GLRB: variants seen among roughly 807,000 people sequenced by gnomAD.
GLRB encodes the protein glycine receptor beta, also known as glycine receptor subunit beta.
In GLRB, 33 loss-of-function variants were observed where a neutral mutation model predicts 54.2. That is an observed-to-expected ratio of 0.61 (90% CI 0.46 to 0.81). The LOEUF (loss-of-function observed/expected upper bound fraction) is 0.81. GLRB is among the 40% of genes least tolerant of loss of function. The pLI is 0.00. For missense variants in GLRB, 572 were observed against 584.6 expected, an observed-to-expected ratio of 0.98 and a Z score of 0.22; for synonymous variants, 209 against 208.2, an observed-to-expected ratio of 1.00 and a Z score of -0.03.
At chr4:157,158,954 T>A (rs1399892697) in intron 9 of GLRB, among the ~76,000 whole-genome samples, 1 of 152,236 alleles carries the variant, frequency 6.6e-6, no homozygotes, top group Admixed American at 6.5e-5. Context: ...TGATTCTTCC[T>A]ATCCATGAGC....
At chr4:157,103,283 C>G (rs1735105435) in intron 2 of GLRB, among the ~76,000 whole-genome samples, 1 of 152,126 alleles carries the variant, frequency 6.6e-6, no homozygotes, top group African/African-American at 2.4e-5. Flanking sequence ...GAGAAAGTTG[C>G]TGAAATCAGT....
intron 8 of GLRB, among the ~76,000 whole-genome samples, chr4:157,146,946 T>C (rs773274238): frequency 5.9e-5 from 9 of 152,122 alleles, no homozygotes; most frequent in Non-Finnish European, 1.0e-4. Context: ...TCAAGATTAT[T>C]TTGGATGAAA....
intron 2 of GLRB, among the ~76,000 whole-genome samples, chr4:157,101,684 T>G (rs940670033): frequency 1.3e-5 from 2 of 152,002 alleles, no homozygotes; most frequent in Non-Finnish European, 2.9e-5. Flanking sequence ...TATACTTAGG[T>G]TTTCTATTAC....
chr4:157,097,143 C>G (rs557926056), intron 2 of GLRB, among the ~76,000 whole-genome samples: 1 of 152,068 alleles, frequency 6.6e-6, no homozygotes, highest in Non-Finnish European at 1.5e-5. Context: ...TATAAGAAAT[C>G]GAGATATTGT....
At chr4:157,160,543 G>A (rs912486031) in intron 9 of GLRB, among the ~76,000 whole-genome samples, 29 of 151,700 alleles carry the variant, frequency 1.9e-4, no homozygotes, top group Admixed American at 5.9e-4. Flanking sequence ...CTTTGTTCTC[G>A]TTGGTTTCAA....
chr4:157,132,561 C>T (rs1426537323), intron 4 of GLRB, among the ~76,000 whole-genome samples: 1 of 151,728 alleles, frequency 6.6e-6, no homozygotes, highest in Non-Finnish European at 1.5e-5. Context: ...TCGCTGGTGT[C>T]TGATGTGATC....
At chr4:157,130,091 C>G (rs1736157796) in intron 4 of GLRB, among the ~76,000 whole-genome samples, 1 of 151,704 alleles carries the variant, frequency 6.6e-6, no homozygotes. Context: ...TAACATCTCA[C>G]TGAATTCTTC....
At chr4:157,147,559 A>G (rs1736860027) in intron 8 of GLRB, among the ~76,000 whole-genome samples, 1 of 152,192 alleles carries the variant, frequency 6.6e-6, no homozygotes, top group Admixed American at 6.5e-5. Flanking sequence ...GGTAAGAATA[A>G]AAGTCAAGAA....
intron 2 of GLRB, among the ~76,000 whole-genome samples, chr4:157,081,927 C>T (rs1734235442): frequency 6.6e-6 from 1 of 152,180 alleles, no homozygotes; most frequent in South Asian, 2.1e-4. Flanking sequence ...ATACCTCCAG[C>T]AGTATCTTCC....
At position 157,083,042 on chromosome 4, in the gene GLRB, C is replaced by T. The variant is rs573536815; in HGVS notation, c.122+4896C>T. ...AAGAAAGACATTCTTAAAATTAACA[C>T]ATTCTTAACATAAAATTAGTAAAAT... On this transcript the variant is annotated intron_variant, in intron 2 of 9. Coordinates refer to ENST00000264428, the MANE Select transcript of GLRB (RefSeq NM_000824.5). Among the ~76,000 whole-genome samples, 232 of 150,118 alleles carry T rather than the reference C, an allele frequency of 1.5e-3. 2 individuals carry two copies. Among genetic ancestry groups the T allele is most frequent in the African/African-American group, 5.4e-3 (220 of 40,952 alleles).
chr4:157,097,207 C>T (rs1006821306), intron 2 of GLRB, among the ~76,000 whole-genome samples: 5 of 152,098 alleles, frequency 3.3e-5, no homozygotes, highest in African/African-American at 1.2e-4. Context: ...GTTTGGACTC[C>T]ATTAGATTTT....
intron 2 of GLRB, among the ~76,000 whole-genome samples, chr4:157,090,232 A>C (rs1467683231): frequency 6.6e-6 from 1 of 152,218 alleles, no homozygotes; most frequent in Non-Finnish European, 1.5e-5. Context: ...CCTTATTACA[A>C]ATTGAAACAG....
intron 4 of GLRB, among the ~76,000 whole-genome samples, chr4:157,129,324 G>T (rs564104973): frequency 6.6e-6 from 1 of 151,714 alleles, no homozygotes; most frequent in South Asian, 2.1e-4. Flanking sequence ...TACTGTGATT[G>T]AATAATTGAA....
chr4:157,131,605 C>A (rs1444624816), intron 4 of GLRB, among the ~76,000 whole-genome samples: 1 of 151,716 alleles, frequency 6.6e-6, no homozygotes, highest in Non-Finnish European at 1.5e-5. Flanking sequence ...TCTCTAAATT[C>A]TGGAACCACT....
At chr4:157,103,146 T>A (rs1305942258) in intron 2 of GLRB, among the ~76,000 whole-genome samples, 3 of 138,928 alleles carry the variant, frequency 2.2e-5, no homozygotes, top group African/African-American at 5.4e-5. Flanking sequence ...AGAGACTCCG[T>A]CTCAAAAAAA....
chr4:157,080,339 TA>T (rs1348136922), intron 2 of GLRB, among the ~76,000 whole-genome samples: 1 of 152,182 alleles, frequency 6.6e-6, no homozygotes, highest in Non-Finnish European at 1.5e-5. Context: ...ATAGGTTTTT[TA>T]AAAATAATTA....
rs1021238246 is a variant in GLRB at position 157,143,862 on chromosome 4, C to T, written c.807C>T (p.Tyr269=). ...CCCTGAGGAGGCAGGTCGGCTTTTA[C>T]ATGATGGGGGTCTACGCCCCAACTC... ...IFTLRRQVGF[Y]MMGVYAPTLL... The change falls in exon 8 of 10, where the codon TAC becomes TAT. Residue 269 remains tyrosine, a synonymous_variant. Coordinates refer to ENST00000264428, the MANE Select transcript of GLRB (RefSeq NM_000824.5). 9 of 1,613,752 alleles carry T rather than the reference C, an allele frequency of 5.6e-6. No individual in the cohort carries two copies. Among genetic ancestry groups the T allele is most frequent in the African/African-American group, 1.3e-5 (1 of 74,912 alleles).
intron 8 of GLRB, among the ~76,000 whole-genome samples, chr4:157,149,703 A>G (rs1159333802): frequency 6.6e-6 from 1 of 152,088 alleles, no homozygotes; most frequent in Non-Finnish European, 1.5e-5. Context: ...ACAGTATGAG[A>G]TAAATTATTT....
chr4:157,095,954 C>G (rs939512447), intron 2 of GLRB, among the ~76,000 whole-genome samples: 1 of 152,118 alleles, frequency 6.6e-6, no homozygotes, highest in Non-Finnish European at 1.5e-5. Flanking sequence ...GAGCTCACAA[C>G]ATAGGAACTT....
Sources: allele counts gnomAD v4.1 joint callset (sites outside exome capture counted in the v4.1 genomes callset), GRCh38; gene constraint gnomAD v4.1.1; transcripts MANE v1.5; gene names NCBI Gene and HGNC (gene_info 2026-07-23, HGNC 2026-07-21).